Variants in ASPH observed in about 807,000 individuals in gnomAD.
The protein encoded by ASPH is aspartyl/asparaginyl beta-hydroxylase.
Under a neutral mutation model 118.4 loss-of-function variants are expected in ASPH, and 100 were observed. The observed-to-expected ratio is 0.84, with a 90% CI of 0.72 to 1.00. ASPH has a LOEUF of 1.00. Ranked by LOEUF, ASPH falls within the 50% of genes least tolerant of loss-of-function variation. The probability of loss-of-function intolerance (pLI) is 0.00; values close to 1 mark genes in which losing one functional copy is unlikely to be tolerated. For synonymous variants in ASPH, 315 were observed against 325.6 expected (o/e 0.97, Z 0.35); for missense variants, 920 against 919.5 (o/e 1.00, Z -0.01).
chr8:61,711,852 C>G (rs192070506), intron 1 of ASPH, among the ~76,000 whole-genome samples: 5,051 of 152,232 alleles, frequency 0.033, 265 homozygotes, highest in African/African-American at 0.11. Flanking sequence ...ACTAAAATTT[C>G]AAATAGTGTT....
intron 14 of ASPH, among the ~76,000 whole-genome samples, chr8:61,617,256 C>G (rs1191304463): frequency 6.6e-6 from 1 of 151,990 alleles, no homozygotes; most frequent in East Asian, 1.9e-4. Context: ...GATTAATGGT[C>G]AAGGAGATGA....
rs1402826059 is a variant in ASPH at position 61,624,875 on chromosome 8, G to A, written c.935-5856C>T. The A allele has an allele frequency of 5.1e-6, 5 of 985,420 alleles. No homozygotes were observed. In the African/African-American group the frequency reaches 5.2e-5, roughly 10 times the overall value. 61.0% of individuals were successfully genotyped at this position (985,420 alleles called of 1,614,324 possible). ...ATTTGAGTATCATCTCTGTATCACC[G>A]ACAGCACAGCTTTAGAAAATTATTG... On this transcript the variant is annotated intron_variant, in intron 13 of 24. Coordinates refer to ENST00000379454, the MANE Select transcript of ASPH (RefSeq NM_004318.4).
chr8:61,655,115 C>T (rs962499491), intron 3 of ASPH, among the ~76,000 whole-genome samples: 1 of 152,224 alleles, frequency 6.6e-6, no homozygotes, highest in Non-Finnish European at 1.5e-5. Flanking sequence ...GCACTCTCAG[C>T]ACCTCAGCTA....
At chr8:61,689,340 T>C (rs994714616) in intron 1 of ASPH, among the ~76,000 whole-genome samples, 2 of 152,108 alleles carry the variant, frequency 1.3e-5, no homozygotes, top group African/African-American at 4.8e-5. Context: ...TAAATATAGA[T>C]AATTCTTTAA....
chr8:61,707,097 A>G (rs959964097), intron 1 of ASPH, among the ~76,000 whole-genome samples: 2 of 152,208 alleles, frequency 1.3e-5, no homozygotes, highest in African/African-American at 4.8e-5. Context: ...TGTGAACCAC[A>G]AAGTACAAAA....
chr8:61,583,244 G>T (rs1332990403), intron 15 of ASPH: 1 of 92,818 alleles, frequency 1.1e-5, no homozygotes, highest in Admixed American at 1.2e-4. Flanking sequence ...TATGATACTT[G>T]ACAGTGTTAT....
intron 20 of ASPH, among the ~76,000 whole-genome samples, chr8:61,551,188 G>C (rs920839924): frequency 6.6e-6 from 1 of 152,088 alleles, no homozygotes; most frequent in African/African-American, 2.4e-5. Flanking sequence ...CTCATGGTTT[G>C]TCCCCCGTCT....
At position 61,663,856 on chromosome 8, in the gene ASPH, C is replaced by CGTTAACCTAAGAAAAAGGT. The variant is rs1379044594; in HGVS notation, c.323-10215_323-10197dup. Reference sequence around the variant, plus strand: ...GTATTTGACTTTAAATAGTAAAAGGCGTTAACCTAAGAAAAAGGTGTACAA... The same window carrying CGTTAACCTAAGAAAAAGGT: ...GTATTTGACTTTAAATAGTAAAAGGCGTTAACCTAAGAAAAAGGTGTTAACCTAAGAAAAAGGTGTACAA... On this transcript the variant is annotated intron_variant, in intron 3 of 24. Coordinates refer to ENST00000379454, the MANE Select transcript of ASPH (RefSeq NM_004318.4). 1.3e-5 allele frequency: 13 copies of CGTTAACCTAAGAAAAAGGT among 976,604 alleles called. No homozygotes were observed. In the Admixed American group the frequency reaches 5.5e-4, roughly 42 times the overall value. The allele number at this position is 976,604 out of a possible 1,614,324, so 60.5% of individuals were successfully genotyped here. A position where few individuals can be genotyped will look rare whatever the true frequency, so the allele number is the denominator to read the frequency against.
chr8:61,691,195 C>G (rs1167451235), intron 1 of ASPH, among the ~76,000 whole-genome samples: 2 of 152,078 alleles, frequency 1.3e-5, no homozygotes, highest in African/African-American at 4.8e-5. Flanking sequence ...TATGGTGTGC[C>G]TAGTCTCAAA....
chr8:61,522,760 C>A (rs781528093), intron 22 of ASPH, among the ~76,000 whole-genome samples: 1 of 152,208 alleles, frequency 6.6e-6, no homozygotes, highest in Non-Finnish European at 1.5e-5. Flanking sequence ...AATTAAACCT[C>A]TTTTTGGTAT....
At chr8:61,636,022 C>A (rs991368004) in intron 12 of ASPH, among the ~76,000 whole-genome samples, 3 of 152,218 alleles carry the variant, frequency 2.0e-5, no homozygotes, top group Non-Finnish European at 2.9e-5. Context: ...AAGGCCCTGA[C>A]TGATCTGTAC....
chr8:61,713,435 A>T (rs1422110209), intron 1 of ASPH, among the ~76,000 whole-genome samples: 1 of 152,176 alleles, frequency 6.6e-6, no homozygotes, highest in Admixed American at 6.5e-5. Context: ...CTCAGAAAAC[A>T]AAGAGTCTAA....
chr8:61,516,530 C>G (rs910031692), intron 24 of ASPH, among the ~76,000 whole-genome samples: 1 of 152,128 alleles, frequency 6.6e-6, no homozygotes, highest in South Asian at 2.1e-4. Context: ...CTACTAAGAA[C>G]AATAAGAAAT....
intron 13 of ASPH, chr8:61,624,276 T>C (rs924976912): frequency 1.8e-5 from 18 of 985,204 alleles, no homozygotes; most frequent in Non-Finnish European, 2.0e-5. Flanking sequence ...AATCAAAACT[T>C]CTAGGTGCAG....
At chr8:61,653,521 AG>A in intron 4 of ASPH, 46 bp downstream of exon 4, 1 of 1,574,838 alleles carries the variant, frequency 6.3e-7, no homozygotes. Context: ...GATACCTGTC[AG>A]GCTCTGGCAC....
rs114886661 is a variant in ASPH, at chr8:61,637,542, A to G, written c.889+405T>C. 3.8e-3 allele frequency among the ~76,000 whole-genome samples: 582 copies of G among 152,274 alleles called. 1 individual carries two copies. Among genetic ancestry groups the G allele is most frequent in the African/African-American group, 0.013 (538 of 41,540 alleles). On this transcript the variant is annotated intron_variant, in intron 12 of 24. Coordinates refer to ENST00000379454, the MANE Select transcript of ASPH (RefSeq NM_004318.4). ...CTTCAGTTCTCCACCACCAAAAAAA[A>G]AAAAATTTGTTTTGTTTTCCCAGGT...
intron 21 of ASPH, among the ~76,000 whole-genome samples, chr8:61,526,778 G>A (rs975595004): frequency 6.6e-6 from 1 of 152,140 alleles, no homozygotes; most frequent in Non-Finnish European, 1.5e-5. Context: ...GCAGGTGACG[G>A]TAGATCCTGT....
intron 24 of ASPH, among the ~76,000 whole-genome samples, chr8:61,506,503 TAG>T (rs1806634389): frequency 1.3e-5 from 2 of 151,964 alleles, no homozygotes; most frequent in South Asian, 4.1e-4. Flanking sequence ...TACAATTAAA[TAG>T]AGAAAAAAGG....
intron 20 of ASPH, among the ~76,000 whole-genome samples, chr8:61,548,465 C>G (rs1824691100): frequency 6.6e-6 from 1 of 152,142 alleles, no homozygotes; most frequent in Non-Finnish European, 1.5e-5. Context: ...ATAGTGGATT[C>G]ATGCCCTACA....
Sources: allele counts gnomAD v4.1 joint callset (sites outside exome capture counted in the v4.1 genomes callset), GRCh38; gene constraint gnomAD v4.1.1; transcripts MANE v1.5; gene names NCBI Gene and HGNC (gene_info 2026-07-23, HGNC 2026-07-21).